FCMR: variants seen among roughly 807,000 people sequenced by gnomAD.
FCMR encodes the protein immunoglobulin mu Fc receptor.
In FCMR, 34 loss-of-function variants were observed where a neutral mutation model predicts 41.6. The ratio of observed to expected loss-of-function variants is 0.82; its 90% CI spans 0.62 to 1.09. The LOEUF is 1.09. FCMR is among the 50% of genes least tolerant of loss of function. The pLI, the probability that FCMR is intolerant of heterozygous loss-of-function variation, is 0.00. For synonymous variants in FCMR, 209 were observed against 211.8 expected (o/e 0.99, Z 0.12); for missense variants, 496 against 512.5 (o/e 0.97, Z 0.31).
rs528456314 is a variant in FCMR at position 206,909,474 on chromosome 1, G to C, written c.1032C>G (p.Pro344=). 270 of 1,279,364 alleles carry C rather than the reference G, an allele frequency of 2.1e-4. 1 individual carries two copies. In the African/African-American group the frequency reaches 3.2e-3, roughly 15 times the overall value. 79.3% of individuals were successfully genotyped at this position (1,279,364 alleles called of 1,614,324 possible). A position where few individuals can be genotyped will look rare whatever the true frequency, so the allele number is the denominator to read the frequency against. ...GAGCGGAGCTTACCTGCAGCGGGGC[G>C]GGGGGCAACGGCGCTCCGGGGCCGG... The part of the protein sequence containing the change: ...PVPGPGAPLP[P]APLQVSESPW... Residue 344 remains proline (P), a synonymous_variant, in exon 7 of 8, where the codon CCC becomes CCG. Transcript: ENST00000367091. The surrounding 1 kb of genome is among the most constrained non-coding windows in gnomAD (Gnocchi z 5.0).
upstream of FCMR, chr1:206,923,013 C>G (rs900147198): frequency 1.3e-5 from 2 of 152,196 alleles, no homozygotes; most frequent in African/African-American, 4.8e-5. Context: ...CTGTGAGCTG[C>G]GCAGGGGTAT....
chr1:206,913,386 G>A (rs765621908), intron 2 of FCMR, among the ~76,000 whole-genome samples: 2 of 152,256 alleles, frequency 1.3e-5, no homozygotes, highest in Non-Finnish European at 2.9e-5. Context: ...TATAAATGTG[G>A]CTGGATAAAT....
At chr1:206,911,994 C>G in intron 3 of FCMR, 42 bp from the exon 4 acceptor site, 1 of 1,461,424 alleles carries the variant, frequency 6.8e-7, no homozygotes, top group Non-Finnish European at 9.5e-7. Context: ...CTTTTATACA[C>G]TCTATTCTCC....
chr1:206,909,835 C>A lies in FCMR; in HGVS notation c.875G>T (p.Arg292Met). 7.2e-7 allele frequency: 1 copy of A among 1,392,290 alleles called. No individual in the cohort carries two copies. The highest frequency in any genetic ancestry group is 9.3e-7 in the Non-Finnish European group (1 of 1,076,424). The allele number at this position is 1,392,290 out of a possible 1,614,324, so 86.2% of individuals were successfully genotyped here. A position where few individuals can be genotyped will look rare whatever the true frequency, so the allele number is the denominator to read the frequency against. Reference sequence around the variant, plus strand: ...CTGGGAGCTCTCCAGGGCGCGCATCCTCACGGCCAGTCGGCGGGCCCGCCT... The same window carrying A: ...CTGGGAGCTCTCCAGGGCGCGCATCATCACGGCCAGTCGGCGGGCCCGCCT... ...LSRRARRLAV[R>M]MRALESSQRP... The change falls in exon 6 of 8, where the codon AGG (arginine) becomes ATG (methionine). Residue 292 changes from arginine to methionine, a missense_variant. Transcript: ENST00000367091. The surrounding 1 kb of genome is among the most constrained non-coding windows in gnomAD (Gnocchi z 5.0).
chr1:206,914,998 G>A lies in FCMR; in HGVS notation c.38-904C>T, dbSNP rs576683132. The stretch of plus-strand genomic sequence containing the variant: ...AGCATAGAGCCCCCACGTGACCTCA[G>A]TGTGGTGCTGGGAGCATGGTGCGGT... On this transcript the variant is annotated intron_variant, in intron 1 of 7. Transcript: ENST00000367091. Among the ~76,000 whole-genome samples, 5 of 152,338 alleles carry A rather than the reference G, an allele frequency of 3.3e-5. No homozygotes were observed. The South Asian group carries it at 8.3e-4, about 25-fold the overall frequency.
At chr1:206,908,420 T>C (rs1678774845) in intron 7 of FCMR, among the ~76,000 whole-genome samples, 1 of 152,166 alleles carries the variant, frequency 6.6e-6, no homozygotes, top group Non-Finnish European at 1.5e-5. Flanking sequence ...CTCAGGGAAT[T>C]GTGCAGGTGT....
intron 1 of FCMR, among the ~76,000 whole-genome samples, chr1:206,915,068 G>T (rs530160749): frequency 1.6e-4 from 24 of 152,324 alleles, no homozygotes; most frequent in African/African-American, 5.1e-4. Flanking sequence ...TCGCTCAGGC[G>T]CATCCATCTA....
intron 7 of FCMR, chr1:206,907,669 C>A: frequency 2.5e-6 from 2 of 791,668 alleles, no homozygotes; most frequent in Admixed American, 3.4e-5. Flanking sequence ...ATCTCCTGGG[C>A]CCCCTGGCGG....
Position 206,911,738 on chromosome 1 carries a change from G to T in FCMR, c.702C>A (p.His234Gln). 6.2e-7 allele frequency: 1 copy of T among 1,611,000 alleles called. No homozygotes were observed. Among genetic ancestry groups the T allele is most frequent in the South Asian group, 1.1e-5 (1 of 90,712 alleles). Residue 234 changes from histidine (H) to glutamine (Q), a missense_variant, in exon 4 of 8, where the codon CAC becomes CAA. Physicochemically the swap from His to Gln is conservative, Grantham distance 24. Transcript: ENST00000367091. ...GGACAGTGGTCTCTTACCTCTGCCT[G>T]TGCAGCCTGGTGTGGTGGTTGTAGC... ...TPSYNHHTRL[H>Q]RQRALDYGSQ...
chr1:206,906,516 G>C (rs191221296), intron 7 of FCMR: 1 of 153,236 alleles, frequency 6.5e-6, no homozygotes, highest in East Asian at 1.9e-4. Flanking sequence ...CTGAAATAGA[G>C]ATGGTTTTAG....
rs1329624598 is a variant in FCMR at position 206,913,825 on chromosome 1, C to T, written c.307G>A (p.Ala103Thr). The T allele has an allele frequency of 6.2e-7, 1 of 1,614,128 alleles. No individual in the cohort carries two copies. Among genetic ancestry groups the T allele is most frequent in the Non-Finnish European group, 8.5e-7 (1 of 1,180,050 alleles). The change falls in exon 2 of 8, where the codon GCC becomes ACC. Residue 103 changes from alanine (A) to threonine (T), a missense_variant. Physicochemically the swap from Ala to Thr is moderately conservative, Grantham distance 58 (BLOSUM62 0). Coordinates refer to ENST00000367091, the MANE Select transcript of FCMR (RefSeq NM_005449.5). The stretch of plus-strand genomic sequence containing the variant: ...TCTGTGTTCATGCCCGCTCCGCAGG[C>T]ATAGACTCCGCTGTCACTTTCTGTC... ...QLTESDSGVYACGAGMNTDRG... is the reference protein window; with the variant it reads ...QLTESDSGVYTCGAGMNTDRG...
intron 2 of FCMR, 65 bp downstream of exon 2, chr1:206,913,693 GT>G: frequency 1.5e-6 from 2 of 1,306,268 alleles, no homozygotes; most frequent in Non-Finnish European, 2.2e-6. Context: ...TTAGATGGCT[GT>G]TCCAATCTTC....
At position 206,907,632 on chromosome 1, in the gene FCMR, A is replaced by G. The variant is rs1678725967; in HGVS notation, c.1044+1830T>C. 12 of 753,060 alleles carry G rather than the reference A, an allele frequency of 1.6e-5. No individual in the cohort carries two copies. The South Asian group carries it at 1.6e-4, about 10-fold the overall frequency. 46.6% of individuals were successfully genotyped at this position (753,060 alleles called of 1,614,324 possible). ...CGGCTGCCGAAGATGGCGGGGGTGC[A>G]GGTCCTGGTGCTTGATGGTGGAGGC... On this transcript the variant is annotated intron_variant, in intron 7 of 7. Transcript: ENST00000367091.
In FCMR at chr1:206,903,548, A is replaced by T. The variant is rs1678485793; in HGVS notation, c.*1471T>A. 6.2e-6 allele frequency: 1 copy of T among 161,450 alleles called. No homozygotes were observed. Among genetic ancestry groups the T allele is most frequent in the South Asian group, 1.7e-4 (1 of 5,868 alleles). The allele number at this position is 161,450 out of a possible 1,614,324, so 10.0% of individuals were successfully genotyped here. A position where few individuals can be genotyped will look rare whatever the true frequency, so the allele number is the denominator to read the frequency against. ...CTGAACTTCAGAGCATGAAAATCAC[A>T]CTGTCTTCTGATATCTGCAGGGACA... On this transcript the variant is annotated 3_prime_UTR_variant, in exon 8 of 8. Coordinates refer to ENST00000367091, the MANE Select transcript of FCMR (RefSeq NM_005449.5).
At chr1:206,906,092 C>T in intron 7 of FCMR, 1 of 407,006 alleles carries the variant, frequency 2.5e-6, no homozygotes, top group Non-Finnish European at 5.0e-6. Context: ...TGAAAGACAG[C>T]TAATAAGCAC....
At chr1:206,922,068 AG>A, upstream of FCMR, 2 of 597,066 alleles carry the variant, frequency 3.3e-6, no homozygotes, top group South Asian at 4.1e-5. Flanking sequence ...AGCGGAAGTC[AG>A]GAGCTGAGAA....
At position 206,904,911 on chromosome 1, in the gene FCMR, T is replaced by C; in HGVS notation, c.*108A>G. The stretch of plus-strand genomic sequence containing the variant: ...GGGAGTCGAGATGGGGCATGGGAAG[T>C]GATGAGGGCTCTGAGAACACATGAA... On this transcript the variant is annotated 3_prime_UTR_variant, in exon 8 of 8. Coordinates refer to ENST00000367091, the MANE Select transcript of FCMR (RefSeq NM_005449.5). The C allele has an allele frequency of 4.3e-6, 5 of 1,157,668 alleles. No individual in the cohort carries two copies. Among genetic ancestry groups the C allele is most frequent in the Non-Finnish European group, 5.1e-6 (4 of 781,094 alleles). The allele number at this position is 1,157,668 out of a possible 1,614,324, so 71.7% of individuals were successfully genotyped here. A position where few individuals can be genotyped will look rare whatever the true frequency, so the allele number is the denominator to read the frequency against.
intron 1 of FCMR, among the ~76,000 whole-genome samples, chr1:206,919,119 C>T (rs948706797): frequency 1.3e-5 from 2 of 152,124 alleles, no homozygotes; most frequent in Non-Finnish European, 2.9e-5. Context: ...CTGGTATATA[C>T]ATAGTAGATA....
chr1:206,921,126 A>C (rs1421792010), intron 1 of FCMR, among the ~76,000 whole-genome samples: 1 of 152,206 alleles, frequency 6.6e-6, no homozygotes, highest in Non-Finnish European at 1.5e-5. Flanking sequence ...CAGGAAATAG[A>C]TTAGAGCTAC....
Sources: allele counts gnomAD v4.1 joint callset (sites outside exome capture counted in the v4.1 genomes callset), GRCh38; gene constraint gnomAD v4.1.1; non-coding constraint Gnocchi (gnomAD v3.1); transcripts MANE v1.5; gene names NCBI Gene and HGNC (gene_info 2026-07-23, HGNC 2026-07-21).